TNFSF11: variants seen among roughly 807,000 people sequenced by gnomAD.
TNFSF11 encodes tumor necrosis factor ligand superfamily member 11.
TNFSF11 carries 12 observed loss-of-function variants against 32.2 expected under a neutral mutation model. That is an observed-to-expected ratio of 0.37 (90% CI 0.24 to 0.60). The LOEUF (loss-of-function observed/expected upper bound fraction) is 0.60. Among genes scored for constraint, TNFSF11 ranks in the 20% least tolerant of loss-of-function variants. TNFSF11 has a pLI of 0.66. For synonymous variants in TNFSF11, 172 were observed against 152.1 expected, an observed-to-expected ratio of 1.13 and a Z score of -0.96; for missense variants, 345 against 398.0, an observed-to-expected ratio of 0.87 and a Z score of 1.13.
chr13:42,583,327 G>A (rs920983203), intron 2 of TNFSF11, among the ~76,000 whole-genome samples: 1 of 150,650 alleles, frequency 6.6e-6, no homozygotes, highest in African/African-American at 2.4e-5. Context: ...TGGGAGGACT[G>A]CTTGGGCCTG....
At chr13:42,585,627 C>T (rs1256624986) in intron 2 of TNFSF11, among the ~76,000 whole-genome samples, 2 of 152,088 alleles carry the variant, frequency 1.3e-5, no homozygotes, top group South Asian at 2.1e-4. Context: ...TTCTTGTTTC[C>T]AGTTTTGGCA....
At chr13:42,571,521 A>C (rs564110734), upstream of TNFSF11, 3 of 152,274 alleles carry the variant, frequency 2.0e-5, no homozygotes, top group African/African-American at 7.2e-5. Context: ...GATGTGCACC[A>C]AAATGCCTGG....
intron 2 of TNFSF11, among the ~76,000 whole-genome samples, chr13:42,568,156 T>A (rs191113017): frequency 2.9e-4 from 44 of 152,366 alleles, no homozygotes; most frequent in African/African-American, 1.1e-3. Context: ...AATGGAACTG[T>A]GGGACGCACG....
intron 2 of TNFSF11, among the ~76,000 whole-genome samples, chr13:42,585,733 AC>A (rs893127674): frequency 9.2e-5 from 14 of 152,046 alleles, no homozygotes; most frequent in African/African-American, 3.4e-4. Context: ...CAGCCCATAG[AC>A]CCCCTGGCCA....
intron 2 of TNFSF11, among the ~76,000 whole-genome samples, chr13:42,592,237 A>T (rs1406391130): frequency 1.3e-5 from 2 of 152,118 alleles, no homozygotes; most frequent in East Asian, 3.9e-4. Context: ...GCCCCACAAG[A>T]CTGTCCCACT....
At chr13:42,602,049 A>T (rs1869204662) in intron 4 of TNFSF11, among the ~76,000 whole-genome samples, 1 of 152,196 alleles carries the variant, frequency 6.6e-6, no homozygotes, top group Non-Finnish European at 1.5e-5. Flanking sequence ...GGCCAGAGGG[A>T]AAGAATTCAA....
chr13:42,578,050 G>A (rs762046611), intron 1 of TNFSF11, among the ~76,000 whole-genome samples: 15 of 152,200 alleles, frequency 9.9e-5, no homozygotes, highest in Non-Finnish European at 1.9e-4. Flanking sequence ...GGGACTGCTT[G>A]CTTTGCACAC....
At chr13:42,597,566 T>C (rs569718643) in intron 2 of TNFSF11, among the ~76,000 whole-genome samples, 2 of 152,248 alleles carry the variant, frequency 1.3e-5, no homozygotes, top group East Asian at 3.9e-4. Context: ...GGCCTGGATA[T>C]CAAGCTCCCA....
chr13:42,602,149 C>T (rs1194915018), intron 4 of TNFSF11, among the ~76,000 whole-genome samples: 1 of 152,166 alleles, frequency 6.6e-6, no homozygotes, highest in Admixed American at 6.5e-5. Context: ...GGGTTTGAGG[C>T]TCCATTGTCC....
Position 42,589,686 on chromosome 13 carries a change from C to G in TNFSF11, c.387+8393C>G, listed in dbSNP as rs569751768. Among the ~76,000 whole-genome samples, 610 of 152,308 alleles carry G rather than the reference C, an allele frequency of 4.0e-3. 1 individual carries two copies. Among genetic ancestry groups the G allele is most frequent in the Non-Finnish European group, 7.3e-3 (499 of 68,026 alleles). Reference sequence around the variant, plus strand: ...CAGTATGGTGCTGAACTCTCCCGACCTGGCCATACCCTTTCGCCTCTCTGC... The same window carrying G: ...CAGTATGGTGCTGAACTCTCCCGACGTGGCCATACCCTTTCGCCTCTCTGC... On this transcript the variant is annotated intron_variant, in intron 2 of 4. Transcript: ENST00000398795.
intron 2 of TNFSF11, among the ~76,000 whole-genome samples, chr13:42,594,342 G>A (rs1355416577): frequency 6.6e-6 from 1 of 151,820 alleles, no homozygotes; most frequent in Non-Finnish European, 1.5e-5. Flanking sequence ...CTCAGCCTCC[G>A]AAAGTGCTGG....
chr13:42,596,520 A>T (rs1868816485), intron 2 of TNFSF11, among the ~76,000 whole-genome samples: 1 of 152,178 alleles, frequency 6.6e-6, no homozygotes, highest in African/African-American at 2.4e-5. Flanking sequence ...ATATGGGCAT[A>T]CAGATCCAGA....
intron 1 of TNFSF11, among the ~76,000 whole-genome samples, chr13:42,575,677 T>C (rs1873274822): frequency 6.6e-6 from 1 of 152,218 alleles, no homozygotes; most frequent in Non-Finnish European, 1.5e-5. Flanking sequence ...TAGTTTGCAT[T>C]TTCTAGAACT....
chr13:42,583,541 C>T (rs1217498685), intron 2 of TNFSF11, among the ~76,000 whole-genome samples: 1 of 149,966 alleles, frequency 6.7e-6, no homozygotes, highest in South Asian at 2.1e-4. Context: ...ATATTATCAT[C>T]TTATAGATCC....
intron 4 of TNFSF11, among the ~76,000 whole-genome samples, chr13:42,602,633 A>G (rs1869240894): frequency 6.6e-6 from 1 of 152,184 alleles, no homozygotes; most frequent in African/African-American, 2.4e-5. Flanking sequence ...GAGCTACACT[A>G]ATTTTCTCTG....
intron 1 of TNFSF11, among the ~76,000 whole-genome samples, chr13:42,575,146 G>T (rs1300278293): frequency 1.3e-5 from 2 of 152,164 alleles, no homozygotes; most frequent in Non-Finnish European, 2.9e-5. Context: ...CGGCTGTGGC[G>T]CTGTCCTGTG....
exon 1 of TNFSF11, chr13:42,562,812 G>C (rs1872718291): frequency 6.6e-6 from 1 of 152,324 alleles, no homozygotes; most frequent in Admixed American, 6.5e-5. Flanking sequence ...TGAAAACACA[G>C]TTTGTTTTCA....
In TNFSF11 at chr13:42,577,185, T is replaced by C. The variant is rs565345841; in HGVS notation, c.219+2663T>C. Among the ~76,000 whole-genome samples, 11 of 152,326 alleles carry C rather than the reference T, an allele frequency of 7.2e-5. 1 individual carries two copies. In the South Asian group the frequency reaches 2.3e-3, roughly 32 times the overall value. On this transcript the variant is annotated intron_variant, in intron 1 of 4. Transcript: ENST00000398795. ...ACGAATTAGTTTTATTGTTTTTGTT[T>C]AAAGGTGGAGAAAAGAAGGTATGCA...
chr13:42,574,422 A>G lies in TNFSF11; in HGVS notation c.119A>G (p.Gln40Arg). ...LHAPPPPAPH[Q>R]PPAASRSMFV... Reference sequence around the variant, plus strand: ...GCCCCGCCGCCGCCTGCGCCGCACCAGCCCCCTGCCGCCTCCCGCTCCATG... The same window carrying G: ...GCCCCGCCGCCGCCTGCGCCGCACCGGCCCCCTGCCGCCTCCCGCTCCATG... The change falls in exon 1 of 5, where the codon CAG becomes CGG. Residue 40 changes from glutamine (Q) to arginine (R), a missense_variant. By Grantham distance (43) the Gln-to-Arg change is conservative (BLOSUM62 1). Transcript: ENST00000398795. 6.3e-7 allele frequency: 1 copy of G among 1,592,354 alleles called. No individual in the cohort carries two copies.
Sources: allele counts gnomAD v4.1 joint callset (sites outside exome capture counted in the v4.1 genomes callset), GRCh38; gene constraint gnomAD v4.1.1; transcripts MANE v1.5; gene names NCBI Gene and HGNC (gene_info 2026-07-23, HGNC 2026-07-21).